Variants in CDKL5 observed in about 807,000 individuals in gnomAD.
CDKL5 encodes cyclin-dependent kinase-like 5.
In CDKL5, 8 loss-of-function variants were observed where a neutral mutation model predicts 61.7. The ratio of observed to expected loss-of-function variants is 0.13; its 90% CI spans 0.08 to 0.23. The LOEUF (loss-of-function observed/expected upper bound fraction) is 0.23. CDKL5 is among the 10% of genes least tolerant of loss of function. CDKL5 has a pLI of 1.00. For missense variants in CDKL5, 440 were observed against 734.5 expected, an observed-to-expected ratio of 0.60 and a Z score of 4.63; for synonymous variants, 275 against 272.3, an observed-to-expected ratio of 1.01 and a Z score of -0.10.
At chrX:18,443,587 G>T (rs1169118647) in intron 1 of CDKL5, among the ~76,000 whole-genome samples, 1 of 109,230 alleles carries the variant, frequency 9.2e-6, no homozygotes, top group Non-Finnish European at 1.9e-5. Context: ...TTTTATTTTA[G>T]GTTTGGGGGT....
intron 10 of CDKL5, among the ~76,000 whole-genome samples, chrX:18,597,755 C>T (rs986298455): frequency 1.8e-5 from 2 of 109,014 alleles, no homozygotes; most frequent in African/African-American, 6.7e-5. Context: ...AGCCACCACG[C>T]CCAGCTAATT....
intron 1 of CDKL5, among the ~76,000 whole-genome samples, chrX:18,502,184 A>G (rs146009942): frequency 0.012 from 1,344 of 111,503 alleles, 14 homozygotes; most frequent in Non-Finnish European, 0.019. Flanking sequence ...ATAACAAAAT[A>G]CAAGATAATA....
In CDKL5 at chrX:18,629,616, A is replaced by G; in HGVS notation, c.*859A>G. On this transcript the variant is annotated 3_prime_UTR_variant, in exon 18 of 18. Coordinates refer to ENST00000623535, the MANE Select transcript of CDKL5 (RefSeq NM_001323289.2). The stretch of plus-strand genomic sequence containing the variant: ...TGTGGCTACACGTGACTGTAACAGT[A>G]TGAACCTTGCTCAACTTTGAGGCCC... The G allele has an allele frequency of 1.3e-6, 1 of 754,047 alleles. No homozygotes were observed. Among genetic ancestry groups the G allele is most frequent in the Non-Finnish European group, 1.6e-6 (1 of 639,062 alleles). The allele number at this position is 754,047 out of a possible 1,213,427, so 62.1% of individuals were successfully genotyped here. A position where few individuals can be genotyped will look rare whatever the true frequency, so the allele number is the denominator to read the frequency against.
At chrX:18,594,460 A>T (rs769787065) in intron 9 of CDKL5, among the ~76,000 whole-genome samples, 1 of 112,492 alleles carries the variant, frequency 8.9e-6, no homozygotes, top group Non-Finnish European at 1.9e-5. Flanking sequence ...AAAACAGGTC[A>T]TTGTAAGAGC....
chrX:18,596,717 A>G (rs1024410303), intron 10 of CDKL5, among the ~76,000 whole-genome samples: 4 of 112,211 alleles, frequency 3.6e-5, no homozygotes, highest in African/African-American at 1.3e-4. Flanking sequence ...AAGTAGGAAC[A>G]TGGAATTAAA....
intron 17 of CDKL5, chrX:18,627,280 T>G (rs1157590630): frequency 8.9e-6 from 1 of 111,763 alleles, no homozygotes; most frequent in East Asian, 2.8e-4. Flanking sequence ...TCAAATCTTG[T>G]AATGTTCCTT....
At chrX:18,534,754 C>T (rs1282223369) in intron 3 of CDKL5, among the ~76,000 whole-genome samples, 2 of 112,016 alleles carry the variant, frequency 1.8e-5, no homozygotes, top group Non-Finnish European at 3.8e-5. Flanking sequence ...TTGAAAGAGA[C>T]CTTTAGATTT....
At chrX:18,554,020 T>C (rs1332275855) in intron 3 of CDKL5, among the ~76,000 whole-genome samples, 1 of 110,452 alleles carries the variant, frequency 9.1e-6, no homozygotes, top group Non-Finnish European at 1.9e-5. Context: ...AGCTCCATCA[T>C]GTCAACCTTA....
In CDKL5 at chrX:18,603,983, G is replaced by A; in HGVS notation, c.1059G>A (p.Leu353=). 1.7e-6 allele frequency: 2 copies of A among 1,210,830 alleles called. No individual in the cohort carries two copies. The highest frequency in any genetic ancestry group is 2.2e-6 in the Non-Finnish European group (2 of 895,065). The change falls in exon 12 of 18, where the codon CTG becomes CTA. Residue 353 remains leucine, a synonymous_variant. Coordinates refer to ENST00000623535, the MANE Select transcript of CDKL5 (RefSeq NM_001323289.2). ...SKDIQNLSVG[L]PRADEGLPAN... ...ACATCCAGAACCTGAGTGTAGGCCTGCCCCGGGCTGACGAAGGTCTCCCTG... is the reference window on the plus strand; with the variant it reads ...ACATCCAGAACCTGAGTGTAGGCCTACCCCGGGCTGACGAAGGTCTCCCTG...
chrX:18,437,846 A>G (rs955741775), intron 1 of CDKL5, among the ~76,000 whole-genome samples: 1 of 112,052 alleles, frequency 8.9e-6, no homozygotes, highest in East Asian at 2.8e-4. Flanking sequence ...AATCTTTGCC[A>G]TACTAAGTTT....
At chrX:18,484,341 G>A (rs1426719809) in intron 1 of CDKL5, among the ~76,000 whole-genome samples, 1 of 109,967 alleles carries the variant, frequency 9.1e-6, no homozygotes, top group Admixed American at 9.7e-5. Context: ...GGGGGGGACA[G>A]TCTCGCCCTG....
chrX:18,448,372 C>T (rs1201937608), intron 1 of CDKL5, among the ~76,000 whole-genome samples: 1 of 112,014 alleles, frequency 8.9e-6, no homozygotes, highest in African/African-American at 3.2e-5. Context: ...CCATCAGGCT[C>T]TCCTTGATAT....
intron 1 of CDKL5, among the ~76,000 whole-genome samples, chrX:18,484,235 T>C (rs1921698820): frequency 8.9e-6 from 1 of 112,634 alleles, no homozygotes; most frequent in South Asian, 3.6e-4. Context: ...AACTAGTTGG[T>C]ATTGTGGAAC....
chrX:18,649,106 C>A (rs1569230867), intron 20 of CDKL5, among the ~76,000 whole-genome samples: 1 of 110,108 alleles, frequency 9.1e-6, no homozygotes, highest in Non-Finnish European at 1.9e-5. Flanking sequence ...TATTATAACT[C>A]CCTACCCCTA....
chrX:18,574,071 T>C (rs889495654), intron 4 of CDKL5, among the ~76,000 whole-genome samples: 2 of 111,530 alleles, frequency 1.8e-5, no homozygotes, highest in African/African-American at 6.5e-5. Flanking sequence ...TGCCCCTATC[T>C]CCACACTCCA....
chrX:18,613,248 C>T lies in CDKL5; in HGVS notation c.2249C>T (p.Ser750Leu), dbSNP rs1436098213. 1 of 1,201,840 alleles carries T rather than the reference C, an allele frequency of 8.3e-7. No individual in the cohort carries two copies. Among genetic ancestry groups the T allele is most frequent in the Non-Finnish European group, 1.1e-6 (1 of 890,045 alleles). ...GAGAGCAGTTCTGGAACCAACCACT[C>T]AAAAAGACAACCAGCATTCGATCCA... ...PSESSSGTNH[S>L]KRQPAFDPWK... The change falls in exon 15 of 18, where the codon TCA (serine) becomes TTA (leucine). Residue 750 changes from serine (S) to leucine (L), a missense_variant. This residue lies in a region of CDKL5 where 363 missense variants were observed against 516.3 expected (regional missense o/e 0.70). Transcript: ENST00000623535.
intron 3 of CDKL5, among the ~76,000 whole-genome samples, chrX:18,521,297 A>G (rs1923235445): frequency 8.9e-6 from 1 of 112,119 alleles, no homozygotes; most frequent in South Asian, 3.7e-4. Context: ...ATGGCTTGCA[A>G]ATATTTTCTC....
At chrX:18,501,055 G>A (rs1922363721) in intron 1 of CDKL5, among the ~76,000 whole-genome samples, 1 of 111,066 alleles carries the variant, frequency 9.0e-6, no homozygotes, top group South Asian at 3.8e-4. Context: ...TGGCCAGGTT[G>A]GTCTCCAACT....
chrX:18,611,363 A>T (rs1225836527), intron 14 of CDKL5, among the ~76,000 whole-genome samples: 1 of 107,045 alleles, frequency 9.3e-6, no homozygotes, highest in Non-Finnish European at 1.9e-5. Flanking sequence ...TGAACCCGGG[A>T]GGCGGAGCTT....
Sources: gnomAD v4.1 joint callset for allele counts (sites outside exome capture counted in the v4.1 genomes callset) on GRCh38, gnomAD v4.1.1 for gene constraint, gnomAD v4.1.1 regional missense constraint, MANE v1.5 for transcripts, NCBI Gene and HGNC (gene_info 2026-07-23, HGNC 2026-07-21) for gene names.